The following CFAP46 variants were observed in gnomAD, a reference collection of about 807,000 sequenced individuals.
CFAP46 encodes the protein cilia and flagella associated protein 46, also known as cilia- and flagella-associated protein 46.
Under a neutral mutation model 325.7 loss-of-function variants are expected in CFAP46, and 245 were observed. The observed-to-expected ratio is 0.75, with a 90% CI of 0.68 to 0.84. The LOEUF is 0.84. CFAP46 is among the 40% of genes least tolerant of loss of function. CFAP46 has a pLI of 0.00. For missense variants in CFAP46, 3,346 were observed against 3,543.0 expected (o/e 0.94, Z 1.41); for synonymous variants, 1,523 against 1,495.9 (o/e 1.02, Z -0.42).
At chr10:132,942,295 G>A (rs1351275665) in intron 1 of CFAP46, 141 bp downstream of exon 1, 9 of 896,444 alleles carry the variant, frequency 1.0e-5, no homozygotes, top group East Asian at 6.7e-5. Context: ...ACGATCGGGA[G>A]GTGGGGGCTC....
chr10:132,813,907 CT>C (rs1591028405), intron 54 of CFAP46, among the ~76,000 whole-genome samples: 1 of 152,208 alleles, frequency 6.6e-6, no homozygotes, highest in Non-Finnish European at 1.5e-5. Context: ...GCAGCCCCTG[CT>C]GCTGGACCAT....
intron 9 of CFAP46, chr10:132,929,110 G>C (rs767448679): frequency 1.0e-5 from 2 of 197,460 alleles, no homozygotes; most frequent in Non-Finnish European, 2.1e-5. Context: ...GGCCTGAAAC[G>C]TGGAGTAGTC....
Position 132,932,153 on chromosome 10 carries a change from C to T in CFAP46, c.867-2349G>A, listed in dbSNP as rs371340378. ...AGCCTGGGCCTTCCCCACACAGAGG[C>T]TAGGCCTCCCCACACTTCTCACACA... On this transcript the variant is annotated intron_variant, in intron 8 of 57. Coordinates refer to ENST00000368586, the MANE Select transcript of CFAP46 (RefSeq NM_001200049.3). 1.0e-3 allele frequency among the ~76,000 whole-genome samples: 150 copies of T among 147,492 alleles called. 1 individual carries two copies. Among genetic ancestry groups the T allele is most frequent in the African/African-American group, 3.6e-3 (143 of 39,658 alleles).
intron 40 of CFAP46, among the ~76,000 whole-genome samples, chr10:132,850,736 G>A (rs181265181): frequency 2.5e-4 from 38 of 152,310 alleles, no homozygotes; most frequent in African/African-American, 4.6e-4. Flanking sequence ...CAAAATGGAA[G>A]AATGTATATT....
intron 36 of CFAP46, 102 bp downstream of exon 36, chr10:132,860,680 T>C: frequency 1.5e-6 from 2 of 1,322,170 alleles, no homozygotes; most frequent in Non-Finnish European, 2.1e-6. Context: ...TCCAGGCGTG[T>C]CATCAGCGGT....
rs536252344 is a variant in CFAP46, at chr10:132,922,605, G to A, written c.1360C>T (p.Arg454Cys). 8.6e-5 allele frequency: 133 copies of A among 1,549,280 alleles called. No individual in the cohort carries two copies. Among genetic ancestry groups the A allele is most frequent in the South Asian group, 3.6e-4 (30 of 84,056 alleles). ...CGGTAGAGGCCCAGGCTGTCCAGGC[G>A]CGCGGCTTTCCGGAGGTGCTCCGTG... is the stretch of plus-strand genomic sequence containing the variant. The part of the protein sequence containing the change: ...PATEHLRKAA[R>C]LDSLGLYRDR... Residue 454 changes from arginine (R) to cysteine (C), a missense_variant, in exon 12 of 58, where the codon CGC becomes TGC. Transcript: ENST00000368586.
At chr10:132,921,930 G>A (rs1261356593) in intron 13 of CFAP46, among the ~76,000 whole-genome samples, 174 bp downstream of exon 13, 17 of 152,222 alleles carry the variant, frequency 1.1e-4, no homozygotes, top group Admixed American at 9.8e-4. Context: ...GAAGACCGTC[G>A]CTGGGCTTTG....
Position 132,851,126 on chromosome 10 carries a change from G to A in CFAP46, c.5754C>T (p.Ser1918=), listed in dbSNP as rs565034312. Residue 1918 remains serine, a synonymous_variant, in exon 40 of 58, where the codon TCC becomes TCT. Transcript: ENST00000368586. Reference sequence around the variant, plus strand: ...TGACCCCAGCAATTACCAGGCCGACGGAAGTGTAGTCACTGGTGTTCTGCA... The same window carrying A: ...TGACCCCAGCAATTACCAGGCCGACAGAAGTGTAGTCACTGGTGTTCTGCA... The part of the protein sequence containing the change: ...DYLQNTSDYT[S]VGLQWFTLKR... 7.4e-5 allele frequency: 120 copies of A among 1,613,260 alleles called. No homozygotes were observed. The East Asian group carries it at 1.3e-3, about 18-fold the overall frequency.
At chr10:132,863,572 C>T (rs1848754574) in intron 35 of CFAP46, among the ~76,000 whole-genome samples, 1 of 149,286 alleles carries the variant, frequency 6.7e-6, no homozygotes, top group Non-Finnish European at 1.5e-5. Flanking sequence ...GACCTGCATA[C>T]ACCTCTCCTC....
chr10:132,927,845 G>A (rs935235895), intron 9 of CFAP46, among the ~76,000 whole-genome samples: 3 of 152,184 alleles, frequency 2.0e-5, no homozygotes, highest in Non-Finnish European at 2.9e-5. Context: ...AATAAATCTC[G>A]TGAGATCCTG....
intron 8 of CFAP46, among the ~76,000 whole-genome samples, chr10:132,934,171 C>G (rs1849955964): frequency 6.6e-6 from 1 of 152,220 alleles, no homozygotes; most frequent in Non-Finnish European, 1.5e-5. Context: ...TATCAACAAG[C>G]TTTACTTGTT....
At position 132,886,346 on chromosome 10, in the gene CFAP46, C is replaced by T. The variant is rs549477492; in HGVS notation, c.3305-387G>A. ...AGCTCCCCCGCGGCCGAGGACACAG[C>T]GCCACGTGCACGCTCGGGAGTCCTC... is the stretch of plus-strand genomic sequence containing the variant. On this transcript the variant is annotated intron_variant, in intron 25 of 57. Coordinates refer to ENST00000368586, the MANE Select transcript of CFAP46 (RefSeq NM_001200049.3). This position sits in a 1 kb window ranked among gnomAD's most constrained non-coding sequence, Gnocchi z 5.8. 1.3e-5 allele frequency among the ~76,000 whole-genome samples: 2 copies of T among 152,210 alleles called. No homozygotes were observed. Among genetic ancestry groups the T allele is most frequent in the Non-Finnish European group, 2.9e-5 (2 of 68,030 alleles).
intron 33 of CFAP46, 112 bp from the exon 34 acceptor site, chr10:132,867,619 G>A (rs139048175): frequency 0.011 from 15,163 of 1,331,920 alleles, 184 homozygotes; most frequent in Middle Eastern, 0.054. Flanking sequence ...TTCTTCACGC[G>A]CGTGTTTACA....
In CFAP46 at chr10:132,913,162, GT is replaced by G; in HGVS notation, c.2216del (p.Asn739ThrfsTer7). On this transcript the variant is annotated frameshift_variant, in exon 18 of 58. Coordinates refer to ENST00000368586, the MANE Select transcript of CFAP46 (RefSeq NM_001200049.3). LOFTEE classifies it high-confidence loss of function. ...QEIQEAWIVQNAVVYVLNHNH... is the reference protein window; with the variant it reads ...QEIQEAWIVQXAVVYVLNHNH... Reference sequence around the variant, plus strand: ...TGTGGTTCAGGACGTAGACCACGGCGTTCTGCACAATCCACGCCTCCTGGAT... The same window carrying G: ...TGTGGTTCAGGACGTAGACCACGGCGTCTGCACAATCCACGCCTCCTGGAT... 1.3e-6 allele frequency: 2 copies of G among 1,550,448 alleles called. No homozygotes were observed. Among genetic ancestry groups the G allele is most frequent in the Non-Finnish European group, 1.7e-6 (2 of 1,147,002 alleles).
Position 132,926,645 on chromosome 10 carries a change from T to C in CFAP46, c.988A>G (p.Met330Val). ...TCCGATTCACACTCCAGACATTCCA[T>C]TTCAATAAGCTTCCCAGGATCCTGC... ...ESKDPGKLIE[M>V]ECLECESEAL... Residue 330 changes from methionine to valine, a missense_variant, in exon 10 of 58, where the codon ATG becomes GTG. Met to Val is a conservative substitution (Grantham distance 21). Coordinates refer to ENST00000368586, the MANE Select transcript of CFAP46 (RefSeq NM_001200049.3). The C allele has an allele frequency of 6.5e-7, 1 of 1,536,218 alleles. No homozygotes were observed. The highest frequency in any genetic ancestry group is 8.7e-7 in the Non-Finnish European group (1 of 1,146,862).
intron 50 of CFAP46, among the ~76,000 whole-genome samples, chr10:132,820,626 T>G (rs1431902913): frequency 1.4e-5 from 2 of 146,644 alleles, no homozygotes; most frequent in African/African-American, 5.1e-5. Flanking sequence ...TGCTGATGTG[T>G]GCTGAGTGCT....
chr10:132,865,480 A>G (rs961109971), intron 35 of CFAP46, among the ~76,000 whole-genome samples: 6 of 152,196 alleles, frequency 3.9e-5, no homozygotes, highest in African/African-American at 1.4e-4. Context: ...GAACCAGCTA[A>G]GACCAAACAG....
In CFAP46 at chr10:132,876,295, G is replaced by A. The variant is rs191810810; in HGVS notation, c.4362+517C>T. On this transcript the variant is annotated intron_variant, in intron 31 of 57. Transcript: ENST00000368586. The surrounding 1 kb of genome is among the most constrained non-coding windows in gnomAD (Gnocchi z 4.1). ...GCATGGCAGCGTGGCACCAAACACC[G>A]CAGGTGGAGATGGTCCAGGTGTGCC... Among the ~76,000 whole-genome samples the A allele has an allele frequency of 7.2e-4, 110 of 152,384 alleles. 2 individuals are homozygous for A. In the East Asian group the frequency reaches 0.016, roughly 22 times the overall value.
chr10:132,890,762 G>A (rs1054525833), intron 25 of CFAP46, among the ~76,000 whole-genome samples: 68 of 152,206 alleles, frequency 4.5e-4, no homozygotes, highest in Non-Finnish European at 1.6e-4. Context: ...CGTGTGCGTC[G>A]GGCTCATGCC....
Sources: gnomAD v4.1 joint callset for allele counts (sites outside exome capture counted in the v4.1 genomes callset) on GRCh38, gnomAD v4.1.1 for gene constraint, Gnocchi (gnomAD v3.1) non-coding constraint, MANE v1.5 for transcripts, NCBI Gene and HGNC (gene_info 2026-07-23, HGNC 2026-07-21) for gene names.